RREB1: variants seen among roughly 807,000 people sequenced by gnomAD.
RREB1 encodes the protein ras-responsive element-binding protein 1.
RREB1 carries 27 observed loss-of-function variants against 117.8 expected under a neutral mutation model. The observed-to-expected ratio is 0.23, with a 90% CI of 0.17 to 0.32. RREB1 has a LOEUF of 0.32. RREB1 is among the 10% of genes least tolerant of loss of function. The pLI, the probability that RREB1 is intolerant of heterozygous loss-of-function variation, is 1.00. For missense variants in RREB1, 2,577 were observed against 2,378.2 expected (o/e 1.08, Z -1.74); for synonymous variants, 1,298 against 1,026.7 (o/e 1.26, Z -5.05).
intron 1 of RREB1, among the ~76,000 whole-genome samples, chr6:7,117,635 C>G (rs549222851): frequency 1.3e-5 from 2 of 151,968 alleles, no homozygotes; most frequent in Non-Finnish European, 2.9e-5. Context: ...TCTTGAACTC[C>G]TGACCTCAGG....
In RREB1 at chr6:7,202,214, A is replaced by G. The variant is rs775812734; in HGVS notation, c.426-8590A>G. On this transcript the variant is annotated intron_variant, in intron 6 of 12. Transcript: ENST00000379938. ...CACCTTCCACTTCCCTTGTGGGCGC[A>G]TGGCCGACCATCTGGGATGGCCCCA... Among the ~76,000 whole-genome samples the G allele has an allele frequency of 7.5e-4, 114 of 152,118 alleles. 1 individual carries two copies. The highest frequency in any genetic ancestry group is 1.1e-3 in the Non-Finnish European group (75 of 67,978).
At chr6:7,201,204 A>C (rs998148757) in intron 6 of RREB1, among the ~76,000 whole-genome samples, 23 of 152,152 alleles carry the variant, frequency 1.5e-4, no homozygotes, top group African/African-American at 5.6e-4. Flanking sequence ...AACTTTGAAC[A>C]GGTCCTGAGT....
intron 1 of RREB1, among the ~76,000 whole-genome samples, chr6:7,125,395 A>T (rs1581415817): frequency 6.6e-6 from 1 of 152,190 alleles, no homozygotes; most frequent in African/African-American, 2.4e-5. Context: ...CCAGAAGTGG[A>T]AGAGTGGGGC....
chr6:7,230,897 A>T lies in RREB1; in HGVS notation c.2798A>T (p.Glu933Val). 1 of 1,614,098 alleles carries T rather than the reference A, an allele frequency of 6.2e-7. No homozygotes were observed. The highest frequency in any genetic ancestry group is 8.5e-7 in the Non-Finnish European group (1 of 1,179,980). ...CTGGTCCCCTATGACTGCTCCATGG[A>T]GCCCATCGACCTGTCCATCCCCAAG... ...SSLVPYDCSMEPIDLSIPKNF... is the reference protein window; with the variant it reads ...SSLVPYDCSMVPIDLSIPKNF... The change falls in exon 10 of 13, where the codon GAG becomes GTG. Residue 933 changes from glutamate to valine, a missense_variant. Physicochemically the swap from Glu to Val is moderately radical, Grantham distance 121. Coordinates refer to ENST00000379938, the MANE Select transcript of RREB1 (RefSeq NM_001003699.4).
At chr6:7,207,202 C>T (rs935277742) in intron 6 of RREB1, among the ~76,000 whole-genome samples, 2 of 152,172 alleles carry the variant, frequency 1.3e-5, no homozygotes, top group Non-Finnish European at 2.9e-5. Context: ...GATCTTTGCA[C>T]ATTTGTTCAG....
intron 1 of RREB1, among the ~76,000 whole-genome samples, chr6:7,157,103 C>T (rs920436861): frequency 6.6e-6 from 1 of 152,088 alleles, no homozygotes. Flanking sequence ...AGTATAAGAC[C>T]CGACTGCCCA....
intron 9 of RREB1, among the ~76,000 whole-genome samples, chr6:7,227,640 CT>C (rs1490957610): frequency 6.6e-6 from 1 of 152,140 alleles, no homozygotes; most frequent in Non-Finnish European, 1.5e-5. Flanking sequence ...AAAAAAAAAT[CT>C]TTCTTTACTA....
Position 7,231,042 on chromosome 6 carries a change from A to G in RREB1, c.2943A>G (p.Val981=), listed in dbSNP as rs1206402637. 1 of 1,613,880 alleles carries G rather than the reference A, an allele frequency of 6.2e-7. No homozygotes were observed. The highest frequency in any genetic ancestry group is 8.5e-7 in the Non-Finnish European group (1 of 1,180,004). ...PCPAPGPSLP[V]TLGPSGILES... ...CAGCACCCGGCCCTTCTCTTCCTGT[A>G]ACTTTGGGGCCCAGCGGAATCCTGG... Residue 981 remains valine, a synonymous_variant, in exon 10 of 13, where the codon GTA becomes GTG. Transcript: ENST00000379938.
chr6:7,247,067 G>A lies in RREB1; in HGVS notation c.4617G>A (p.Arg1539=). The change falls in exon 12 of 13, where the codon AGG becomes AGA. Residue 1539 remains arginine, a synonymous_variant. Transcript: ENST00000379938. Reference sequence around the variant, plus strand: ...ACGGGGAGAGCGCGGCCGAGAAAAGGTCCTCAGAGAAGAGCGACGATGACA... The same window carrying A: ...ACGGGGAGAGCGCGGCCGAGAAAAGATCCTCAGAGAAGAGCGACGATGACA... ...PSDGESAAEK[R]SSEKSDDDKK... 6.2e-7 allele frequency: 1 copy of A among 1,613,658 alleles called. No homozygotes were observed. Among genetic ancestry groups the A allele is most frequent in the African/African-American group, 1.3e-5 (1 of 75,048 alleles).
chr6:7,152,601 G>A (rs776776218), intron 1 of RREB1, among the ~76,000 whole-genome samples: 1 of 151,796 alleles, frequency 6.6e-6, no homozygotes, highest in Non-Finnish European at 1.5e-5. Flanking sequence ...TTCCTTTTTG[G>A]CCACATGGAA....
chr6:7,200,277 TG>T lies in RREB1; in HGVS notation c.426-10526del, dbSNP rs1561776986. Among the ~76,000 whole-genome samples, 790 of 118,794 alleles carry T rather than the reference TG, an allele frequency of 6.7e-3. 6 individuals carry two copies. Among genetic ancestry groups the T allele is most frequent in the African/African-American group, 0.023 (463 of 19,746 alleles). The allele number at this position is 118,794 out of a possible 152,430, so 77.9% of individuals were successfully genotyped here. On this transcript the variant is annotated intron_variant, in intron 6 of 12. Coordinates refer to ENST00000379938, the MANE Select transcript of RREB1 (RefSeq NM_001003699.4). Reference sequence around the variant, plus strand: ...GTGTGTGTGTGTGTGTGTGTGTGTGTGTGTATTTTTTTTTTTTTCTTTTTTG... The same window carrying T: ...GTGTGTGTGTGTGTGTGTGTGTGTGTTGTATTTTTTTTTTTTTCTTTTTTG...
chr6:7,152,461 T>C (rs1763167426), intron 1 of RREB1, among the ~76,000 whole-genome samples: 1 of 152,242 alleles, frequency 6.6e-6, no homozygotes, highest in African/African-American at 2.4e-5. Context: ...AGTTGCTGAA[T>C]AGCTATGAAA....
At position 7,180,033 on chromosome 6, in the gene RREB1, T is replaced by G. The variant is rs770242625; in HGVS notation, c.-165-1091T>G. ...AAAGATGAAAGTATAGATGTTTTTT[T>G]GGGGGGTGGGGGCTGTAGCTTTCTT... On this transcript the variant is annotated intron_variant, in intron 2 of 12. Transcript: ENST00000379938. Among the ~76,000 whole-genome samples the G allele has an allele frequency of 3.9e-5, 6 of 151,970 alleles. No homozygotes were observed. In the South Asian group the frequency reaches 8.3e-4, roughly 21 times the overall value.
chr6:7,232,429 G>T (rs1433067199), intron 10 of RREB1, among the ~76,000 whole-genome samples: 1 of 152,166 alleles, frequency 6.6e-6, no homozygotes, highest in Admixed American at 6.5e-5. Context: ...TGTGAGGTTG[G>T]CTGTTTTCTT....
intron 7 of RREB1, among the ~76,000 whole-genome samples, chr6:7,211,229 T>C (rs1277129278): frequency 6.6e-6 from 1 of 151,732 alleles, no homozygotes; most frequent in Non-Finnish European, 1.5e-5. Flanking sequence ...TTCATAAGCA[T>C]TCGGGACTCT....
intron 1 of RREB1, among the ~76,000 whole-genome samples, chr6:7,120,783 G>A (rs536899094): frequency 3.5e-4 from 53 of 149,560 alleles, no homozygotes; most frequent in African/African-American, 1.3e-3. Flanking sequence ...AGTAGCTGGG[G>A]CTACAGGTGT....
At chr6:7,108,867 C>T (rs545847380) in intron 1 of RREB1, among the ~76,000 whole-genome samples, 2 of 151,474 alleles carry the variant, frequency 1.3e-5, no homozygotes, top group South Asian at 2.1e-4. Flanking sequence ...GGGTTCCCGG[C>T]TGGCGGTCGT....
At chr6:7,201,691 T>C (rs1303364798) in intron 6 of RREB1, among the ~76,000 whole-genome samples, 1 of 152,182 alleles carries the variant, frequency 6.6e-6, no homozygotes, top group Non-Finnish European at 1.5e-5. Flanking sequence ...GAGACAGATT[T>C]TGTATTTCCT....
At chr6:7,241,533 C>T (rs988795213) in intron 11 of RREB1, among the ~76,000 whole-genome samples, 10 of 152,154 alleles carry the variant, frequency 6.6e-5, no homozygotes, top group African/African-American at 1.2e-4. Flanking sequence ...GTTGTATTTG[C>T]GTCCTGTGGC....
Sources: gnomAD v4.1 joint callset for allele counts (sites outside exome capture counted in the v4.1 genomes callset) on GRCh38, gnomAD v4.1.1 for gene constraint, MANE v1.5 for transcripts, NCBI Gene and HGNC (gene_info 2026-07-23, HGNC 2026-07-21) for gene names.